The following MPG variants were observed in gnomAD, a reference collection of about 807,000 sequenced individuals.
MPG encodes N-methylpurine DNA glycosylase, also known as DNA-3-methyladenine glycosylase.
Under a neutral mutation model 31.7 loss-of-function variants are expected in MPG, and 33 were observed. That is an observed-to-expected ratio of 1.04 (90% CI 0.79 to 1.39). The LOEUF (loss-of-function observed/expected upper bound fraction) is 1.39, where lower values mean the gene tolerates loss of function less well. MPG is among the 40% of genes most tolerant of loss of function. The pLI, the probability that MPG is intolerant of heterozygous loss-of-function variation, is 0.00. For missense variants in MPG, 455 were observed against 415.5 expected (o/e 1.10, Z -0.83); for synonymous variants, 202 against 169.2 (o/e 1.19, Z -1.51).
At chr16:83,753 A>G (rs1284147808) in intron 3 of MPG, among the ~76,000 whole-genome samples, 3 of 151,922 alleles carry the variant, frequency 2.0e-5, no homozygotes. Context: ...AAAAAAAAAA[A>G]AAGGAAAGGA....
At chr16:80,949 G>T (rs572890627) in intron 2 of MPG, among the ~76,000 whole-genome samples, 2 of 152,238 alleles carry the variant, frequency 1.3e-5, no homozygotes, top group Non-Finnish European at 2.9e-5. Context: ...TCCTTGTCAG[G>T]CCACAGTCAT....
upstream of MPG, chr16:78,199 C>A: frequency 9.4e-7 from 1 of 1,058,594 alleles, no homozygotes; most frequent in Non-Finnish European, 1.2e-6. Context: ...CTTCCGTCCC[C>A]TTCTGCGCAG....
At chr16:79,910 GC>G in intron 2 of MPG, 1 of 645,374 alleles carries the variant, frequency 1.5e-6, no homozygotes, top group Non-Finnish European at 2.6e-6. Flanking sequence ...AGTGCTGCTT[GC>G]CCAGGGTGGA....
At chr16:81,077 C>T (rs754947722) in intron 2 of MPG, among the ~76,000 whole-genome samples, 35 of 152,272 alleles carry the variant, frequency 2.3e-4, no homozygotes, top group Non-Finnish European at 3.2e-4. Context: ...TAGTGGATGC[C>T]CTTGCAGACC....
In MPG at chr16:83,011, C is replaced by A. The variant is rs780135210; in HGVS notation, c.301-41C>A. On this transcript the variant is annotated intron_variant, in intron 2 of 3. Coordinates refer to ENST00000356432, the MANE Select transcript of MPG (RefSeq NM_001015052.3). ...TGGGCACTGTTAGGGTGAGTGGACC[C>A]CCATCCCTTCCCGCCCTGAGCAGAA... is the stretch of plus-strand genomic sequence containing the variant. The A allele has an allele frequency of 2.0e-6, 3 of 1,517,976 alleles. No individual in the cohort carries two copies. In the South Asian group the frequency reaches 3.7e-5, roughly 19 times the overall value. The allele number at this position is 1,517,976 out of a possible 1,614,324, so 94.0% of individuals were successfully genotyped here.
At chr16:78,900 A>C (rs770504050) in intron 1 of MPG, among the ~76,000 whole-genome samples, 11 of 152,142 alleles carry the variant, frequency 7.2e-5, no homozygotes, top group Non-Finnish European at 1.3e-4. Flanking sequence ...AGCCTGGGCC[A>C]TGAAGCAGAG....
At position 85,532 on chromosome 16, in the gene MPG, C is replaced by T. The variant is rs1254356700; in HGVS notation, c.637C>T (p.Pro213Ser). 4 of 1,613,420 alleles carry T rather than the reference C, an allele frequency of 2.5e-6. No individual in the cohort carries two copies. Among genetic ancestry groups the T allele is most frequent in the East Asian group, 2.2e-5 (1 of 44,884 alleles). ...VLKDRELCSGPSKLCQALAIN... is the reference protein window; with the variant it reads ...VLKDRELCSGSSKLCQALAIN... ...CAAGGACCGCGAGCTCTGCAGTGGC[C>T]CCTCCAAGCTGTGCCAGGCCCTGGC... Residue 213 changes from proline to serine, a missense_variant, in exon 4 of 4, where the codon CCC (proline) becomes TCC (serine). Pro to Ser is a moderately conservative substitution (Grantham distance 74). Coordinates refer to ENST00000356432, the MANE Select transcript of MPG (RefSeq NM_001015052.3).
At chr16:83,383 G>C in intron 3 of MPG, 127 bp downstream of exon 3, 1 of 1,001,428 alleles carries the variant, frequency 1.0e-6, no homozygotes, top group Non-Finnish European at 1.5e-6. Context: ...TCCAGGCCAG[G>C]CCAGGGTTTC....
chr16:80,637 C>T (rs1214660639), intron 2 of MPG, among the ~76,000 whole-genome samples: 2 of 152,038 alleles, frequency 1.3e-5, no homozygotes, highest in Admixed American at 6.6e-5. Context: ...GGTGAAACCC[C>T]ATCTCTACTA....
Position 79,434 on chromosome 16 carries a change from C to A in MPG, c.34C>A (p.Arg12=). 1 of 1,613,260 alleles carries A rather than the reference C, an allele frequency of 6.2e-7. No individual in the cohort carries two copies. The highest frequency in any genetic ancestry group is 1.3e-5 in the African/African-American group (1 of 75,032). Residue 12 remains arginine (R), a synonymous_variant, in exon 2 of 4, where the codon CGG becomes AGG. Coordinates refer to ENST00000356432, the MANE Select transcript of MPG (RefSeq NM_001015052.3). ...TTTTTTCCCATTACAGTTTTGCCGA[C>A]GGATGGGGCAAAAGAAGCAGCGACC... ...PARSGAQFCR[R]MGQKKQRPAR...
intron 1 of MPG, 31 bp from the exon 2 acceptor site, chr16:79,394 G>A (rs1158862709): frequency 6.2e-7 from 1 of 1,613,584 alleles, no homozygotes; most frequent in Non-Finnish European, 8.5e-7. Context: ...TCTCCTATTC[G>A]GATGCTTATT....
In MPG at chr16:85,589, G is replaced by C. The variant is rs1435769056; in HGVS notation, c.694G>C (p.Ala232Pro). The C allele has an allele frequency of 6.2e-7, 1 of 1,612,820 alleles. No homozygotes were observed. The highest frequency in any genetic ancestry group is 8.5e-7 in the Non-Finnish European group (1 of 1,179,624). ...CAAGAGCTTTGACCAGAGGGACCTGGCACAGGATGAAGCTGTATGGCTGGA... is the reference window on the plus strand; with the variant it reads ...CAAGAGCTTTGACCAGAGGGACCTGCCACAGGATGAAGCTGTATGGCTGGA... ...INKSFDQRDL[A>P]QDEAVWLERG... Residue 232 changes from alanine (A) to proline (P), a missense_variant, in exon 4 of 4, where the codon GCA becomes CCA. Coordinates refer to ENST00000356432, the MANE Select transcript of MPG (RefSeq NM_001015052.3).
intron 3 of MPG, 35 bp downstream of exon 3, chr16:83,291 C>G: frequency 1.3e-6 from 2 of 1,581,070 alleles, no homozygotes; most frequent in Non-Finnish European, 1.7e-6. Flanking sequence ...GTTGGAGGGC[C>G]GGCAGAGCCC....
upstream of MPG, chr16:77,214 T>C (rs1596481670): frequency 6.6e-6 from 1 of 151,908 alleles, no homozygotes; most frequent in Non-Finnish European, 1.5e-5. Context: ...GGTTGTGGGG[T>C]GGGATTGTGC....
upstream of MPG, among the ~76,000 whole-genome samples, chr16:77,501 G>A (rs1898119076): frequency 6.6e-6 from 1 of 152,238 alleles, no homozygotes; most frequent in Admixed American, 6.5e-5. Flanking sequence ...CGCACTGCCG[G>A]GCCGTGTTCA....
At chr16:79,907 C>G (rs1898195867) in intron 2 of MPG, 1 of 656,492 alleles carries the variant, frequency 1.5e-6, no homozygotes, top group South Asian at 2.0e-5. Context: ...GTCAGTGCTG[C>G]TTGCCCAGGG....
chr16:77,480 T>C (rs1004597152), upstream of MPG, among the ~76,000 whole-genome samples: 4 of 152,170 alleles, frequency 2.6e-5, no homozygotes, highest in Admixed American at 2.6e-4. Flanking sequence ...CTCAGAAGCG[T>C]AGGACGGCTG....
In MPG at chr16:83,448, G is replaced by T. The variant is rs577976419; in HGVS notation, c.505+192G>T. 42 of 583,800 alleles carry T rather than the reference G, an allele frequency of 7.2e-5. No homozygotes were observed. The Middle Eastern group carries it at 2.9e-3, about 40-fold the overall frequency. The allele number at this position is 583,800 out of a possible 1,614,324, so 36.2% of individuals were successfully genotyped here. A position where few individuals can be genotyped will look rare whatever the true frequency, so the allele number is the denominator to read the frequency against. ...GCTGGTTAGGTTAAAGGGGTAGAAAGGGCCGGGTGGGGCCGGGCGCGGTGG... is the reference window on the plus strand; with the variant it reads ...GCTGGTTAGGTTAAAGGGGTAGAAATGGCCGGGTGGGGCCGGGCGCGGTGG... On this transcript the variant is annotated intron_variant, in intron 3 of 3. Transcript: ENST00000356432.
intron 2 of MPG, among the ~76,000 whole-genome samples, chr16:82,045 ACCACCCTACCTCCGGGAAGGCCTC>A: frequency 1.7e-5 from 2 of 120,540 alleles, no homozygotes; most frequent in Non-Finnish European, 3.2e-5. Flanking sequence ...CCTTCTTCCC[ACCACCCTACCTCCGGGAAGGCCTC>A]CTGAATGCTC....
Sources: allele counts gnomAD v4.1 joint callset (sites outside exome capture counted in the v4.1 genomes callset), GRCh38; gene constraint gnomAD v4.1.1; transcripts MANE v1.5; gene names NCBI Gene and HGNC (gene_info 2026-07-23, HGNC 2026-07-21).